FGF12: variants seen among roughly 807,000 people sequenced by gnomAD.
The protein encoded by FGF12 is fibroblast growth factor 12.
FGF12 carries 14 observed loss-of-function variants against 23.6 expected under a neutral mutation model. That is an observed-to-expected ratio of 0.59 (90% confidence interval 0.39 to 0.93). The LOEUF (loss-of-function observed/expected upper bound fraction) is 0.93, where lower values mean the gene tolerates loss of function less well. Ranked by LOEUF, FGF12 falls within the 40% of genes least tolerant of loss-of-function variation. The pLI is 0.00. For synonymous variants in FGF12, 62 were observed against 77.3 expected, an observed-to-expected ratio of 0.80 and a Z score of 1.04; for missense variants, 175 against 217.8, an observed-to-expected ratio of 0.80 and a Z score of 1.24.
At chr3:192,274,555 CAAGA>C (rs1365509750) in intron 4 of FGF12, among the ~76,000 whole-genome samples, 1 of 150,942 alleles carries the variant, frequency 6.6e-6, no homozygotes, top group Non-Finnish European at 1.5e-5. Context: ...AAGAATTTGG[CAAGA>C]AAGAGAGGAA....
chr3:192,516,056 ATTACT>A (rs973953151), intron 2 of FGF12, among the ~76,000 whole-genome samples: 1 of 152,208 alleles, frequency 6.6e-6, no homozygotes, highest in South Asian at 2.1e-4. Flanking sequence ...CCTTGAACAA[ATTACT>A]TAACCGCTCT....
chr3:192,664,953 A>G (rs566996111), intron 2 of FGF12, among the ~76,000 whole-genome samples: 2 of 152,322 alleles, frequency 1.3e-5, no homozygotes, highest in Admixed American at 1.3e-4. Context: ...GAACTAGAAA[A>G]CACAGAAAAG....
chr3:192,179,549 ATT>A lies in FGF12; in HGVS notation c.229-8895_229-8894del, dbSNP rs10608823. On this transcript the variant is annotated intron_variant, in intron 4 of 5. Coordinates refer to ENST00000445105, the MANE Select transcript of FGF12 (RefSeq NM_004113.6). ...TAATTATATCATCACTGTAAGGTTG[ATT>A]TTTTTTTTTTTTTTGAGACAGTCTT... Among the ~76,000 whole-genome samples, 1,180 of 139,438 alleles carry A rather than the reference ATT, an allele frequency of 8.5e-3. 18 individuals are homozygous for A. The highest frequency in any genetic ancestry group is 0.029 in the African/African-American group (1,116 of 38,176). The allele number at this position is 139,438 out of a possible 152,430, so 91.5% of individuals were successfully genotyped here. A position where few individuals can be genotyped will look rare whatever the true frequency, so the allele number is the denominator to read the frequency against.
intron 4 of FGF12, among the ~76,000 whole-genome samples, chr3:192,264,436 C>T (rs1343194766): frequency 6.6e-6 from 1 of 151,798 alleles, no homozygotes; most frequent in Non-Finnish European, 1.5e-5. Flanking sequence ...GCAAAAAAAG[C>T]TTGCATTCAT....
At chr3:192,194,698 CA>C (rs1716972395) in intron 4 of FGF12, among the ~76,000 whole-genome samples, 2 of 152,246 alleles carry the variant, frequency 1.3e-5, no homozygotes, top group East Asian at 1.9e-4. Flanking sequence ...ACTTTATTAA[CA>C]GTTTAAAAAC....
intron 2 of FGF12, among the ~76,000 whole-genome samples, chr3:192,533,743 C>T (rs529222323): frequency 4.6e-4 from 70 of 152,268 alleles, no homozygotes; most frequent in African/African-American, 1.3e-3. Flanking sequence ...ACATCAGAAG[C>T]GACCCCATTT....
intron 2 of FGF12, among the ~76,000 whole-genome samples, chr3:192,535,985 A>C (rs1725214038): frequency 6.6e-6 from 1 of 152,252 alleles, no homozygotes. Context: ...AAATTGTAGC[A>C]CTAAATTTTA....
intron 4 of FGF12, among the ~76,000 whole-genome samples, chr3:192,174,024 G>T (rs1476914545): frequency 2.6e-5 from 4 of 152,170 alleles, no homozygotes; most frequent in Admixed American, 1.3e-4. Flanking sequence ...CTCGCTGCTG[G>T]TTCAGTACTT....
At chr3:192,335,876 T>G (rs1717382090) in intron 3 of FGF12, among the ~76,000 whole-genome samples, 1 of 152,128 alleles carries the variant, frequency 6.6e-6, no homozygotes, top group Admixed American at 6.6e-5. Flanking sequence ...ATACTATCTT[T>G]AAAACAGGCC....
At chr3:192,313,941 G>A (rs563484531) in intron 4 of FGF12, among the ~76,000 whole-genome samples, 3 of 152,156 alleles carry the variant, frequency 2.0e-5, no homozygotes, top group Non-Finnish European at 4.4e-5. Context: ...ATCTGGAGGT[G>A]GAGACTTAGA....
chr3:192,408,451 C>A lies in FGF12; in HGVS notation c.14-47913G>T. On this transcript the variant is annotated intron_variant, in intron 2 of 5. Transcript: ENST00000445105. This position sits in a 1 kb window ranked among gnomAD's most constrained non-coding sequence, Gnocchi z 7.3. The stretch of plus-strand genomic sequence containing the variant: ...ATCCAGATGTAAACTTCCCCAACCT[C>A]TGGCGGCCGGGGGGCGGGGCGGGGC... The A allele has an allele frequency of 7.3e-7, 1 of 1,370,822 alleles. No homozygotes were observed. The highest frequency in any genetic ancestry group is 9.4e-7 in the Non-Finnish European group (1 of 1,067,628). 84.9% of individuals were successfully genotyped at this position (1,370,822 alleles called of 1,614,324 possible).
At chr3:192,520,825 C>T (rs974561364) in intron 2 of FGF12, among the ~76,000 whole-genome samples, 10 of 152,024 alleles carry the variant, frequency 6.6e-5, no homozygotes, top group African/African-American at 2.4e-4. Flanking sequence ...TTTAGTTTAT[C>T]TTGCCTGTGT....
chr3:192,158,466 T>TGCTTTCTC (rs200716599), intron 5 of FGF12, among the ~76,000 whole-genome samples: 2,430 of 148,798 alleles, frequency 0.016, 116 homozygotes, highest in African/African-American at 0.057. Context: ...CTTGCTTTCT[T>TGCTTTCTC]GCTCTTTGTC....
At chr3:192,238,945 T>C (rs116016412) in intron 4 of FGF12, among the ~76,000 whole-genome samples, 3 of 152,252 alleles carry the variant, frequency 2.0e-5, no homozygotes, top group African/African-American at 7.2e-5. Flanking sequence ...GGGAAGTGCA[T>C]TTTCCACAAA....
intron 4 of FGF12, among the ~76,000 whole-genome samples, chr3:192,261,984 C>G (rs1202466576): frequency 6.6e-6 from 1 of 152,118 alleles, no homozygotes; most frequent in Non-Finnish European, 1.5e-5. Flanking sequence ...AACAGAGGTG[C>G]CCCCTTAGTA....
chr3:192,143,306 A>AT lies in FGF12; in HGVS notation c.*702dup, dbSNP rs1713512371. 1 of 152,046 alleles carries AT rather than the reference A, an allele frequency of 6.6e-6. No individual in the cohort carries two copies. The highest frequency in any genetic ancestry group is 1.9e-4 in the East Asian group (1 of 5,180). 9.4% of individuals were successfully genotyped at this position (152,046 alleles called of 1,614,324 possible). ...TTATACTCTAGGATAATTTGAAATC[A>AT]TTTTTGTGAAAGAATTAAACTCATT... is the stretch of plus-strand genomic sequence containing the variant. On this transcript the variant is annotated 3_prime_UTR_variant, in exon 6 of 6. Transcript: ENST00000445105.
At chr3:192,266,380 A>T (rs904867519) in intron 4 of FGF12, among the ~76,000 whole-genome samples, 1 of 152,164 alleles carries the variant, frequency 6.6e-6, no homozygotes, top group African/African-American at 2.4e-5. Flanking sequence ...CTGAATGAAG[A>T]TGAAAATGAA....
intron 2 of FGF12, among the ~76,000 whole-genome samples, chr3:192,522,384 AATAAT>A (rs1435097546): frequency 1.3e-5 from 2 of 152,298 alleles, no homozygotes; most frequent in African/African-American, 4.8e-5. Context: ...TCACACATGA[AATAAT>A]ATATATAATC....
At chr3:192,201,165 G>A (rs1037895826) in intron 4 of FGF12, among the ~76,000 whole-genome samples, 1 of 152,216 alleles carries the variant, frequency 6.6e-6, no homozygotes, top group South Asian at 2.1e-4. Context: ...TATGGAAGGA[G>A]TCAAGGTGCT....
Sources: gnomAD v4.1 joint callset for allele counts (sites outside exome capture counted in the v4.1 genomes callset) on GRCh38, gnomAD v4.1.1 for gene constraint, Gnocchi (gnomAD v3.1) non-coding constraint, MANE v1.5 for transcripts, NCBI Gene and HGNC (gene_info 2026-07-23, HGNC 2026-07-21) for gene names.